Variants in MUC12 observed in about 807,000 individuals in gnomAD.
MUC12 encodes mucin-12.
In MUC12, 172 loss-of-function variants were observed where a neutral mutation model predicts 230.8. The ratio of observed to expected loss-of-function variants is 0.75; its 90% confidence interval spans 0.66 to 0.85. The LOEUF is 0.85. MUC12 is among the 40% of genes least tolerant of loss of function. MUC12 has a pLI of 0.00. For synonymous variants in MUC12, 1,259 were observed against 2,401.9 expected (o/e 0.52, Z 13.91); for missense variants, 3,506 against 5,920.6 (o/e 0.59, Z 13.38).
rs1236408642 is a variant in MUC12 at position 101,005,330 on chromosome 7, C to T, written c.14767C>T (p.Arg4923Cys). The T allele has an allele frequency of 3.6e-5, 55 of 1,537,776 alleles. 1 individual carries two copies. The highest frequency in any genetic ancestry group is 9.6e-5 in the African/African-American group (7 of 73,046). ...DATGTTPLPA[R>C]STASDLVGEP... ...AACTGGAACAACACCCTTACCTGCC[C>T]GCTCCACAGCCTCAGACCTTGTTGG... The change falls in exon 2 of 12, where the codon CGC (arginine) becomes TGC (cysteine). Residue 4923 changes from arginine to cysteine, a missense_variant. By Grantham distance (180) the Arg-to-Cys change is radical (BLOSUM62 -3). Transcript: ENST00000536621.
intron 1 of MUC12, among the ~76,000 whole-genome samples, chr7:100,989,562 A>G (rs1195928493): frequency 6.6e-6 from 1 of 152,180 alleles, no homozygotes; most frequent in Non-Finnish European, 1.5e-5. Context: ...ATGCCTGAGC[A>G]CCTTGATAGA....
intron 3 of MUC12, 24 bp from the exon 4 acceptor site, chr7:101,008,610 G>C (rs977507105): frequency 6.5e-7 from 1 of 1,534,652 alleles, no homozygotes; most frequent in Non-Finnish European, 8.7e-7. Flanking sequence ...GCTGTCTCAC[G>C]CATACCATGG....
In MUC12 at chr7:100,991,343, C is replaced by T; in HGVS notation, c.780C>T (p.His260=). ...TCCACAGCAGCACTGGATCGCCACA[C>T]ACAACACTGTCCCCTTCCAGCTCTA... ...TPVHSSTGSP[H]TTLSPSSSTT... The change falls in exon 2 of 12, where the codon CAC becomes CAT. Residue 260 remains histidine (H), a synonymous_variant. Coordinates refer to ENST00000536621, the MANE Select transcript of MUC12 (RefSeq NM_001164462.2). The T allele has an allele frequency of 1.3e-6, 2 of 1,537,798 alleles. No homozygotes were observed. Among genetic ancestry groups the T allele is most frequent in the Non-Finnish European group, 8.7e-7 (1 of 1,147,028 alleles).
At position 101,009,145 on chromosome 7, in the gene MUC12, C is replaced by A. The variant is rs1282588038; in HGVS notation, c.15237C>A (p.Asn5079Lys). The A allele has an allele frequency of 7.8e-6, 12 of 1,537,832 alleles. No individual in the cohort carries two copies. The highest frequency in any genetic ancestry group is 1.0e-5 in the Non-Finnish European group (12 of 1,147,016). The change falls in exon 5 of 12, where the codon AAC (asparagine) becomes AAA (lysine). Residue 5079 changes from asparagine (N) to lysine (K), a missense_variant. Coordinates refer to ENST00000536621, the MANE Select transcript of MUC12 (RefSeq NM_001164462.2). ...GDNLPQYRGV[N>K]IRRLLNGSIV... ...ATCTTCCTCAGTATAGAGGGGTGAA[C>A]ATTCGGAGATTGCTGTGAGTATATT...
In MUC12 at chr7:101,015,989, G is replaced by A. The variant is rs187840490; in HGVS notation, c.15877+298G>A. ...CCATTCCCAGGGCAGAGGGAGCAGA[G>A]GGGTGGACCTGACCCAGCCTGGGTG... On this transcript the variant is annotated intron_variant, in intron 10 of 11. Coordinates refer to ENST00000536621, the MANE Select transcript of MUC12 (RefSeq NM_001164462.2). Among the ~76,000 whole-genome samples the A allele has an allele frequency of 2.1e-3, 315 of 152,278 alleles. 1 individual carries two copies. Among genetic ancestry groups the A allele is most frequent in the African/African-American group, 7.2e-3 (299 of 41,556 alleles).
chr7:101,013,769 G>A, intron 8 of MUC12, 144 bp from the exon 9 acceptor site: 1 of 984,440 alleles, frequency 1.0e-6, no homozygotes, highest in Non-Finnish European at 1.4e-6. Flanking sequence ...GAGGAAGTCA[G>A]GGACCCAGGC....
chr7:100,986,207 AT>A (rs1793186669), intron 1 of MUC12, among the ~76,000 whole-genome samples: 1 of 151,982 alleles, frequency 6.6e-6, no homozygotes, highest in African/African-American at 2.4e-5. Context: ...AAAAAACAAA[AT>A]TTTAAAATTA....
chr7:100,983,563 C>T (rs755787821), intron 1 of MUC12, among the ~76,000 whole-genome samples: 4 of 152,182 alleles, frequency 2.6e-5, no homozygotes, highest in Non-Finnish European at 4.4e-5. Flanking sequence ...AATTAAGCCT[C>T]TACAGGGCCA....
chr7:100,973,491 C>T (rs986021728), intron 1 of MUC12, among the ~76,000 whole-genome samples: 4 of 151,292 alleles, frequency 2.6e-5, no homozygotes, highest in African/African-American at 7.4e-5. Context: ...CTAAATCAGC[C>T]GGCACCTTGG....
At chr7:100,981,315 T>G in intron 1 of MUC12, 1 of 516,446 alleles carries the variant, frequency 1.9e-6, no homozygotes, top group Non-Finnish European at 3.4e-6. Flanking sequence ...AATCCCAGGT[T>G]GGGAGGGGTC....
At chr7:100,981,469 G>A (rs1163301931) in intron 1 of MUC12, 7 of 533,358 alleles carry the variant, frequency 1.3e-5, no homozygotes, top group South Asian at 1.2e-4. Context: ...TAGTGAGCAG[G>A]CAAGGGCTGC....
Position 101,018,656 on chromosome 7 carries a change from C to T in MUC12, c.*20C>T. On this transcript the variant is annotated 3_prime_UTR_variant, in exon 12 of 12. Transcript: ENST00000536621. ...GTGTGAGCCAACGGGGGCCTCCCAC[C>T]CTCATCTAGCTCTGTTCAGGAGAGC... 6.5e-7 allele frequency: 1 copy of T among 1,533,896 alleles called. No individual in the cohort carries two copies. The highest frequency in any genetic ancestry group is 2.5e-5 in the East Asian group (1 of 40,700).
chr7:101,010,069 G>T (rs1284468782), intron 5 of MUC12, among the ~76,000 whole-genome samples: 1 of 152,098 alleles, frequency 6.6e-6, no homozygotes, highest in Non-Finnish European at 1.5e-5. Flanking sequence ...GGAGAAAACA[G>T]GTCCAGTGTG....
chr7:100,995,192 C>A lies in MUC12; in HGVS notation c.4629C>A (p.Gly1543=). The A allele has an allele frequency of 7.8e-7, 1 of 1,288,816 alleles. No individual in the cohort carries two copies. 79.8% of individuals were successfully genotyped at this position (1,288,816 alleles called of 1,614,324 possible). ...TACCTGGCAGTACCACAACAGCAGG[C>A]CTGAGTGAGAAATCTACCACCTTCT... ...TALPGSTTTA[G]LSEKSTTFYS... The change falls in exon 2 of 12, where the codon GGC becomes GGA. Residue 1543 remains glycine (G), a synonymous_variant. Coordinates refer to ENST00000536621, the MANE Select transcript of MUC12 (RefSeq NM_001164462.2).
At position 100,991,282 on chromosome 7, in the gene MUC12, C is replaced by A. The variant is rs992730656; in HGVS notation, c.719C>A (p.Thr240Asn). Residue 240 changes from threonine to asparagine, a missense_variant, in exon 2 of 12, where the codon ACC becomes AAC. Transcript: ENST00000536621. Reference protein sequence around the residue: ...YTKTTRLPDNTTTSGLLEAST... With the variant: ...YTKTTRLPDNNTTSGLLEAST... ...AAAACAACACGCTTACCTGACAACACCACAACCTCAGGCCTCCTTGAAGCA... is the reference window on the plus strand; with the variant it reads ...AAAACAACACGCTTACCTGACAACAACACAACCTCAGGCCTCCTTGAAGCA... 4 of 1,537,704 alleles carry A rather than the reference C, an allele frequency of 2.6e-6. No individual in the cohort carries two copies. Among genetic ancestry groups the A allele is most frequent in the Non-Finnish European group, 1.7e-6 (2 of 1,146,990 alleles).
Position 100,991,739 on chromosome 7 carries a change from C to G in MUC12, c.1176C>G (p.Ser392Arg). Residue 392 changes from serine (S) to arginine (R), a missense_variant, in exon 2 of 12, where the codon AGC becomes AGG. Transcript: ENST00000536621. ...AAGAATCAGCAACTTTCCACGGCAG[C>G]ACAACACACACAAAATCTTCAACTC... is the stretch of plus-strand genomic sequence containing the variant. ...HSEESATFHG[S>R]TTHTKSSTPS... 1.3e-6 allele frequency: 2 copies of G among 1,537,992 alleles called. No homozygotes were observed. The highest frequency in any genetic ancestry group is 1.7e-6 in the Non-Finnish European group (2 of 1,147,078).
intron 1 of MUC12, among the ~76,000 whole-genome samples, chr7:100,988,767 A>G (rs540314333): frequency 4.3e-4 from 65 of 152,250 alleles, no homozygotes; most frequent in African/African-American, 1.5e-3. Context: ...TCCCCACTCA[A>G]ATCTCATCTT....
In MUC12 at chr7:100,990,859, A is replaced by T; in HGVS notation, c.296A>T (p.His99Leu). Residue 99 changes from histidine (H) to leucine (L), a missense_variant, in exon 2 of 12, where the codon CAC becomes CTC. Physicochemically the swap from His to Leu is moderately conservative, Grantham distance 99 (BLOSUM62 -3). Coordinates refer to ENST00000536621, the MANE Select transcript of MUC12 (RefSeq NM_001164462.2). ...GATGTTLFPS[H>L]SATSVFVGEP... ...ACTGGAACAACACTCTTCCCTTCCC[A>T]CTCTGCAACCTCAGTTTTTGTTGGA... The T allele has an allele frequency of 6.5e-7, 1 of 1,537,330 alleles. No homozygotes were observed. The highest frequency in any genetic ancestry group is 8.7e-7 in the Non-Finnish European group (1 of 1,146,906).
rs1158015867 is a variant in MUC12 at position 101,017,777 on chromosome 7, C to T, written c.15966+114C>T. The T allele has an allele frequency of 5.7e-6, 4 of 700,136 alleles. No individual in the cohort carries two copies. In the African/African-American group the frequency reaches 7.6e-5, roughly 13 times the overall value. 43.4% of individuals were successfully genotyped at this position (700,136 alleles called of 1,614,324 possible). ...GGGACTCCCTTCTCCCCCTGGGACTCCCTCCCTTCCCCCTGGGACCCCTTC... is the reference window on the plus strand; with the variant it reads ...GGGACTCCCTTCTCCCCCTGGGACTTCCTCCCTTCCCCCTGGGACCCCTTC... On this transcript the variant is annotated intron_variant, in intron 11 of 11. Transcript: ENST00000536621.
Sources: gnomAD v4.1 joint callset for allele counts (sites outside exome capture counted in the v4.1 genomes callset) on GRCh38, gnomAD v4.1.1 for gene constraint, MANE v1.5 for transcripts, NCBI Gene and HGNC (gene_info 2026-07-23, HGNC 2026-07-21) for gene names.